The following DCAF6 variants were observed in gnomAD, a reference collection of about 807,000 sequenced individuals.
DCAF6 encodes DDB1 and CUL4 associated factor 6, also known as DDB1- and CUL4-associated factor 6.
DCAF6 carries 54 observed loss-of-function variants against 125.1 expected under a neutral mutation model. The observed-to-expected ratio is 0.43, with a 90% confidence interval of 0.35 to 0.54. The LOEUF (loss-of-function observed/expected upper bound fraction) is 0.54. Among genes scored for constraint, DCAF6 ranks in the 20% least tolerant of loss-of-function variants. The pLI is 0.01. For synonymous variants in DCAF6, 371 were observed against 390.4 expected (o/e 0.95, Z 0.58); for missense variants, 934 against 1,161.7 (o/e 0.80, Z 2.85).
At chr1:167,910,572 T>A in the DCAF6 span, among the ~76,000 whole-genome samples, 1 of 152,300 alleles carries the variant, frequency 6.6e-6, no homozygotes, top group East Asian at 1.9e-4. Flanking sequence ...GGTAGAAATT[T>A]GGTTTGGGTT....
At chr1:167,932,705 A>G (rs574390095), upstream of DCAF6, among the ~76,000 whole-genome samples, 94 of 150,666 alleles carry the variant, frequency 6.2e-4, no homozygotes, top group Middle Eastern at 0.014. Context: ...GCTACTCAGG[A>G]GGCTGAGGCA....
the DCAF6 span, among the ~76,000 whole-genome samples, chr1:167,888,875 CAAA>C: frequency 2.1e-5 from 2 of 94,170 alleles, no homozygotes. Context: ...GACTCCGTCT[CAAA>C]AAAAAAAAAA....
intron 5 of DCAF6, among the ~76,000 whole-genome samples, chr1:167,989,170 A>G (rs1008184088): frequency 2.6e-5 from 4 of 152,222 alleles, no homozygotes; most frequent in African/African-American, 9.7e-5. Context: ...ATATGCAAAT[A>G]GGGAAGCATT....
chr1:167,876,251 C>G, the DCAF6 span, among the ~76,000 whole-genome samples: 1 of 141,014 alleles, frequency 7.1e-6, no homozygotes, highest in African/African-American at 2.6e-5. Context: ...AAGCAAAGCT[C>G]CATCTCAAAA....
intron 5 of DCAF6, among the ~76,000 whole-genome samples, chr1:167,988,937 G>A (rs1226269877): frequency 3.3e-5 from 5 of 151,910 alleles, no homozygotes; most frequent in Non-Finnish European, 5.9e-5. Flanking sequence ...AAAATTAGCC[G>A]GGCGTGGTGG....
chr1:168,044,568 A>T lies in DCAF6; in HGVS notation c.1844-17A>T. 1 of 1,587,548 alleles carries T rather than the reference A, an allele frequency of 6.3e-7. No homozygotes were observed. The highest frequency in any genetic ancestry group is 8.6e-7 in the Non-Finnish European group (1 of 1,157,120). On this transcript the variant is annotated splice_polypyrimidine_tract_variant and intron_variant, in intron 14 of 21. Coordinates refer to ENST00000367840, the MANE Select transcript of DCAF6 (RefSeq NM_001198956.2). The stretch of plus-strand genomic sequence containing the variant: ...TCATGGATACCAAGGGATGACTGTA[A>T]TTTGGTTTACTTACAGAAGCTCCTG...
At chr1:167,964,359 T>G (rs12096452) in intron 2 of DCAF6, among the ~76,000 whole-genome samples, 4,570 of 152,294 alleles carry the variant, frequency 0.03, 236 homozygotes, top group African/African-American at 0.1. Context: ...TTTCCGTTAC[T>G]GCTTTAAATA....
chr1:167,904,159 C>T, the DCAF6 span, among the ~76,000 whole-genome samples: 1 of 148,070 alleles, frequency 6.8e-6, no homozygotes, highest in South Asian at 2.1e-4. Flanking sequence ...GTGATCTCAG[C>T]TCACTGCAAC....
In DCAF6 at chr1:168,002,486, G is replaced by A. The variant is rs959403927; in HGVS notation, c.908G>A (p.Arg303Gln). ...TTACCCGTTCTTATTTTTTAGTTGC[G>A]ACAACCACCAGTTAAGCGTTTGAGA... ...PSAEERREEL[R>Q]QPPVKRLRLR... Residue 303 changes from arginine (R) to glutamine (Q), a missense_variant, in exon 8 of 22, where the codon CGA (arginine) becomes CAA (glutamine). Arg to Gln is a conservative substitution (Grantham distance 43). Coordinates refer to ENST00000367840, the MANE Select transcript of DCAF6 (RefSeq NM_001198956.2). The A allele has an allele frequency of 2.5e-5, 40 of 1,612,370 alleles. No homozygotes were observed. The highest frequency in any genetic ancestry group is 8.3e-5 in the Admixed American group (5 of 59,920).
chr1:167,943,470 T>C (rs1672571129), intron 1 of DCAF6, among the ~76,000 whole-genome samples: 1 of 152,268 alleles, frequency 6.6e-6, no homozygotes, highest in African/African-American at 2.4e-5. Flanking sequence ...AGGTTTATCC[T>C]TAAATATTTC....
intron 4 of DCAF6, among the ~76,000 whole-genome samples, chr1:167,982,482 C>A (rs944307841): frequency 6.6e-6 from 1 of 152,180 alleles, no homozygotes; most frequent in Non-Finnish European, 1.5e-5. Context: ...ACCTCATGAT[C>A]TGCCTGCCTC....
At chr1:167,938,974 A>C (rs370610100) in intron 1 of DCAF6, among the ~76,000 whole-genome samples, 1 of 152,206 alleles carries the variant, frequency 6.6e-6, no homozygotes, top group Non-Finnish European at 1.5e-5. Flanking sequence ...GGAGTTCTTT[A>C]TCTTAAATAA....
intron 1 of DCAF6, among the ~76,000 whole-genome samples, chr1:167,946,001 G>T (rs1301648515): frequency 7.3e-6 from 1 of 136,436 alleles, no homozygotes; most frequent in Admixed American, 8.0e-5. Flanking sequence ...CTGTTGCCCA[G>T]GCTGGAGTGC....
At chr1:167,896,507 C>A in the DCAF6 span, 1 of 1,070,342 alleles carries the variant, frequency 9.3e-7, no homozygotes, top group Non-Finnish European at 1.5e-6. Flanking sequence ...GAGGAGCCCA[C>A]CCACCAGTAA....
intron 1 of DCAF6, among the ~76,000 whole-genome samples, chr1:167,950,753 T>C (rs1673800698): frequency 1.3e-5 from 2 of 152,236 alleles, no homozygotes; most frequent in African/African-American, 4.8e-5. Flanking sequence ...TCATTACAGC[T>C]TCTGAATAAA....
chr1:167,943,169 A>G (rs897168023), intron 1 of DCAF6, among the ~76,000 whole-genome samples: 1 of 152,186 alleles, frequency 6.6e-6, no homozygotes, highest in African/African-American at 2.4e-5. Context: ...TTGGCCTACC[A>G]AAGTGCTGGG....
chr1:168,008,308 C>T (rs1484862514), intron 10 of DCAF6, among the ~76,000 whole-genome samples: 3 of 152,102 alleles, frequency 2.0e-5, no homozygotes, highest in Non-Finnish European at 4.4e-5. Context: ...CAAACTAAAA[C>T]TTAATGCAGC....
At position 167,966,455 on chromosome 1, in the gene DCAF6, C is replaced by A. The variant is rs367597180; in HGVS notation, c.160-174C>A. ...ATTTTATGTGTGGCCGGAGACAATT[C>A]TTCTTCTTCTACTGTGGCCAAGGGA... On this transcript the variant is annotated intron_variant, in intron 2 of 21. Coordinates refer to ENST00000367840, the MANE Select transcript of DCAF6 (RefSeq NM_001198956.2). Among the ~76,000 whole-genome samples, 10 of 151,690 alleles carry A rather than the reference C, an allele frequency of 6.6e-5. No homozygotes were observed. The East Asian group carries it at 1.2e-3, about 18-fold the overall frequency.
intron 1 of DCAF6, among the ~76,000 whole-genome samples, chr1:167,940,779 C>G (rs956134057): frequency 6.6e-6 from 1 of 151,852 alleles, no homozygotes; most frequent in African/African-American, 2.4e-5. Context: ...CTTTCTAACC[C>G]TTCTAAATTA....
Sources: gnomAD v4.1 joint callset for allele counts (sites outside exome capture counted in the v4.1 genomes callset) on GRCh38, gnomAD v4.1.1 for gene constraint, MANE v1.5 for transcripts, NCBI Gene and HGNC (gene_info 2026-07-23, HGNC 2026-07-21) for gene names.